The following IQCM variants were observed in gnomAD, a reference collection of about 807,000 sequenced individuals.
IQCM encodes IQ motif containing M, also known as IQ domain-containing protein M.
A neutral mutation model predicts 57.6 loss-of-function variants in IQCM; 45 were observed. That is an observed-to-expected ratio of 0.78 (90% CI 0.62 to 1.00). The LOEUF (loss-of-function observed/expected upper bound fraction) is 1.00, where lower values mean the gene tolerates loss of function less well. Among genes scored for constraint, IQCM ranks in the 50% least tolerant of loss-of-function variants. The pLI, the probability that IQCM is intolerant of heterozygous loss-of-function variation, is 0.00. For missense variants in IQCM, 468 were observed against 511.6 expected (o/e 0.91, Z 0.82); for synonymous variants, 148 against 158.9 (o/e 0.93, Z 0.51).
At chr4:149,748,352 A>G (rs1048508137) in intron 2 of IQCM, among the ~76,000 whole-genome samples, 1 of 152,218 alleles carries the variant, frequency 6.6e-6, no homozygotes, top group African/African-American at 2.4e-5. Context: ...ATTAATTAAG[A>G]TATCTCAAAT....
intron 12 of IQCM, among the ~76,000 whole-genome samples, chr4:149,492,032 C>G (rs918615144): frequency 1.3e-5 from 2 of 151,692 alleles, no homozygotes; most frequent in Non-Finnish European, 2.9e-5. Flanking sequence ...TTTTATACAC[C>G]TATTGGTCAT....
At chr4:149,482,928 A>G (rs1177324694) in intron 12 of IQCM, among the ~76,000 whole-genome samples, 1 of 151,744 alleles carries the variant, frequency 6.6e-6, no homozygotes, top group Non-Finnish European at 1.5e-5. Flanking sequence ...ATGTTTTATT[A>G]TGGCTTTATT....
chr4:149,447,721 T>C (rs946496441), intron 12 of IQCM, among the ~76,000 whole-genome samples: 1 of 151,534 alleles, frequency 6.6e-6, no homozygotes, highest in African/African-American at 2.4e-5. Flanking sequence ...AACAGAATAT[T>C]TGAAAAATAA....
intron 7 of IQCM, among the ~76,000 whole-genome samples, chr4:149,667,160 G>A (rs1334509533): frequency 2.0e-5 from 3 of 152,146 alleles, no homozygotes; most frequent in Non-Finnish European, 4.4e-5. Flanking sequence ...GGGGTCAACA[G>A]ACAACTCATA....
intron 2 of IQCM, among the ~76,000 whole-genome samples, chr4:149,772,080 G>A (rs115480987): frequency 0.015 from 2,280 of 152,114 alleles, 34 homozygotes; most frequent in Non-Finnish European, 0.021. Context: ...TGAGCCTCAG[G>A]AAATGTTCAT....
At chr4:149,473,763 G>A (rs1409828529) in intron 12 of IQCM, among the ~76,000 whole-genome samples, 1 of 152,052 alleles carries the variant, frequency 6.6e-6, no homozygotes, top group African/African-American at 2.4e-5. Context: ...AAGAAAATGT[G>A]GCATATATAC....
At chr4:149,785,853 A>G (rs1395251595) in intron 2 of IQCM, among the ~76,000 whole-genome samples, 1 of 151,666 alleles carries the variant, frequency 6.6e-6, no homozygotes, top group Non-Finnish European at 1.5e-5. Context: ...CTCAAGCTGC[A>G]CAAAAACAGG....
At chr4:149,353,208 G>A (rs1728695542) in intron 13 of IQCM, among the ~76,000 whole-genome samples, 1 of 152,026 alleles carries the variant, frequency 6.6e-6, no homozygotes, top group Admixed American at 6.6e-5. Flanking sequence ...TAATCATCAG[G>A]GAATGCAAAT....
chr4:149,384,767 T>C (rs2111051321), intron 13 of IQCM, among the ~76,000 whole-genome samples: 1 of 152,168 alleles, frequency 6.6e-6, no homozygotes, highest in Non-Finnish European at 1.5e-5. Context: ...TTTTGTCAGT[T>C]TAACTTGCAA....
intron 13 of IQCM, among the ~76,000 whole-genome samples, chr4:149,386,251 C>T (rs549716394): frequency 6.6e-6 from 1 of 151,992 alleles, no homozygotes. Context: ...TCAATGGATG[C>T]CAGTGGAGAG....
At chr4:149,770,257 C>T (rs1770446836) in intron 2 of IQCM, among the ~76,000 whole-genome samples, 1 of 152,078 alleles carries the variant, frequency 6.6e-6, no homozygotes, top group Non-Finnish European at 1.5e-5. Flanking sequence ...CCAAAGTTCA[C>T]TCAAGAAGAA....
chr4:149,414,691 A>T (rs1381214915), intron 13 of IQCM, among the ~76,000 whole-genome samples: 1 of 152,056 alleles, frequency 6.6e-6, no homozygotes, highest in Non-Finnish European at 1.5e-5. Context: ...TTATGTCATT[A>T]ATCTTTATAA....
At chr4:149,591,253 TG>T (rs1473113493) in intron 8 of IQCM, among the ~76,000 whole-genome samples, 1 of 152,036 alleles carries the variant, frequency 6.6e-6, no homozygotes, top group East Asian at 1.9e-4. Flanking sequence ...CAAATATCAT[TG>T]GATGATTTTT....
At chr4:149,696,395 C>A (rs537648985) in intron 5 of IQCM, among the ~76,000 whole-genome samples, 1 of 152,264 alleles carries the variant, frequency 6.6e-6, no homozygotes, top group Non-Finnish European at 1.5e-5. Flanking sequence ...TTCTATCAGA[C>A]CTCCAATGAA....
intron 2 of IQCM, 137 bp from the exon 3 acceptor site, chr4:149,742,876 G>A (rs1359328507): frequency 2.0e-5 from 8 of 396,244 alleles, no homozygotes; most frequent in Non-Finnish European, 3.5e-5. Context: ...AACCTTCAAT[G>A]CCTTCCCCTC....
At chr4:149,468,775 G>C (rs13120832) in intron 12 of IQCM, among the ~76,000 whole-genome samples, 78,827 of 151,938 alleles carry the variant, frequency 0.52, 20,755 homozygotes, top group Non-Finnish European at 0.56. Flanking sequence ...CTGAGACAAA[G>C]CTTCCAAAGG....
chr4:149,709,024 A>G (rs1290911573), intron 5 of IQCM, among the ~76,000 whole-genome samples: 1 of 152,090 alleles, frequency 6.6e-6, no homozygotes, highest in Non-Finnish European at 1.5e-5. Context: ...ACCTGGCCCC[A>G]ATGCTAATTA....
At chr4:149,630,322 G>T (rs1038791951) in intron 7 of IQCM, among the ~76,000 whole-genome samples, 1 of 152,182 alleles carries the variant, frequency 6.6e-6, no homozygotes, top group African/African-American at 2.4e-5. Flanking sequence ...CTGTTTTGCT[G>T]CTTGCATAAC....
In IQCM at chr4:149,739,874, A is replaced by C. The variant is rs1443423528; in HGVS notation, c.37+2781T>G. 2.6e-5 allele frequency among the ~76,000 whole-genome samples: 4 copies of C among 152,176 alleles called. No homozygotes were observed. In the East Asian group the frequency reaches 7.7e-4, roughly 29 times the overall value. On this transcript the variant is annotated intron_variant, in intron 3 of 13. Coordinates refer to ENST00000636793, the MANE Select transcript of IQCM (RefSeq NM_001363507.2). ...TTTCATATATCATCAGCTTAACACAATTGTGATGACGGTTCATAAAACCAG... is the reference window on the plus strand; with the variant it reads ...TTTCATATATCATCAGCTTAACACACTTGTGATGACGGTTCATAAAACCAG...
Sources: gnomAD v4.1 joint callset for allele counts (sites outside exome capture counted in the v4.1 genomes callset) on GRCh38, gnomAD v4.1.1 for gene constraint, MANE v1.5 for transcripts, NCBI Gene and HGNC (gene_info 2026-07-23, HGNC 2026-07-21) for gene names.